The following ACBD5 variants were observed in gnomAD, a reference collection of about 807,000 sequenced individuals.
ACBD5 encodes the protein acyl-CoA-binding domain-containing protein 5.
ACBD5 carries 40 observed loss-of-function variants against 71.8 expected under a neutral mutation model. That is an observed-to-expected ratio of 0.56 (90% CI 0.43 to 0.72). The LOEUF is 0.72. Ranked by LOEUF, ACBD5 falls within the 30% of genes least tolerant of loss-of-function variation. The pLI is 0.00. For missense variants in ACBD5, 559 were observed against 644.5 expected (o/e 0.87, Z 1.44); for synonymous variants, 229 against 218.6 (o/e 1.05, Z -0.42).
At chr10:27,232,641 T>C (rs1202023012) in intron 3 of ACBD5, among the ~76,000 whole-genome samples, 1 of 152,118 alleles carries the variant, frequency 6.6e-6, no homozygotes, top group Non-Finnish European at 1.5e-5. Flanking sequence ...ATGTTTTAAA[T>C]GAACAGACAT....
chr10:27,202,857 C>T (rs1255113287), intron 12 of ACBD5, among the ~76,000 whole-genome samples: 1 of 151,468 alleles, frequency 6.6e-6, no homozygotes, highest in Non-Finnish European at 1.5e-5. Flanking sequence ...TTTCCTATTA[C>T]CAGGGATATT....
chr10:27,233,382 C>T (rs2064164164), intron 3 of ACBD5, among the ~76,000 whole-genome samples: 1 of 149,586 alleles, frequency 6.7e-6, no homozygotes, highest in Non-Finnish European at 1.5e-5. Flanking sequence ...GCCAAGATCG[C>T]GCCACTGCAC....
At chr10:27,198,371 A>T (rs1223805958) in intron 12 of ACBD5, among the ~76,000 whole-genome samples, 2 of 152,200 alleles carry the variant, frequency 1.3e-5, no homozygotes, top group East Asian at 1.9e-4. Context: ...ATCACATATG[A>T]TCTGAGTTCT....
Position 27,195,492 on chromosome 10 carries a change from C to T in ACBD5, c.*1938G>A. ...GTAATGATTCACAACTGCTTACACT[C>T]TTAATTTGCATTTTATTTATTTATA... On this transcript the variant is annotated 3_prime_UTR_variant, in exon 13 of 13. Coordinates refer to ENST00000396271, the MANE Select transcript of ACBD5 (RefSeq NM_145698.5). 1 of 454,040 alleles carries T rather than the reference C, an allele frequency of 2.2e-6. No homozygotes were observed. The highest frequency in any genetic ancestry group is 4.4e-6 in the Non-Finnish European group (1 of 226,716). The allele number at this position is 454,040 out of a possible 1,614,324, so 28.1% of individuals were successfully genotyped here. A position where few individuals can be genotyped will look rare whatever the true frequency, so the allele number is the denominator to read the frequency against.
intron 4 of ACBD5, among the ~76,000 whole-genome samples, chr10:27,228,789 GTT>G (rs1491145230): frequency 3.1e-4 from 10 of 31,788 alleles, no homozygotes; most frequent in South Asian, 1.0e-3. Flanking sequence ...ATCCTATTAT[GTT>G]TATATATATA....
chr10:27,240,327 G>C lies in ACBD5; in HGVS notation c.173C>G (p.Pro58Arg). ...EAAVKVIQSL[P>R]KNGSFQPTNE... ...GGGCCCAGCGCACGTACCATTCTTC[G>C]GCAAACTCTGGATCACCTTCACGGC... The change falls in exon 2 of 13, where the codon CCG (proline) becomes CGG (arginine). Residue 58 changes from proline to arginine, a missense_variant. Transcript: ENST00000396271. This position sits in a 1 kb window ranked among gnomAD's most constrained non-coding sequence, Gnocchi z 4.1. 6.2e-7 allele frequency: 1 copy of C among 1,614,000 alleles called. No individual in the cohort carries two copies. Among genetic ancestry groups the C allele is most frequent in the Non-Finnish European group, 8.5e-7 (1 of 1,180,010 alleles).
At chr10:27,232,819 C>G (rs2064073958) in intron 3 of ACBD5, among the ~76,000 whole-genome samples, 1 of 152,104 alleles carries the variant, frequency 6.6e-6, no homozygotes, top group Admixed American at 6.6e-5. Flanking sequence ...ATGTAAACCT[C>G]CATTTTTATA....
intron 13 of ACBD5, chr10:27,186,325 C>T: frequency 6.8e-7 from 1 of 1,480,082 alleles, no homozygotes; most frequent in South Asian, 1.1e-5. Flanking sequence ...TCCTGTAAAG[C>T]AGTACTTACT....
intron 6 of ACBD5, among the ~76,000 whole-genome samples, chr10:27,218,639 G>A (rs1478179633): frequency 2.0e-5 from 3 of 151,208 alleles, no homozygotes; most frequent in African/African-American, 4.9e-5. Context: ...AGGCTAGAGT[G>A]CAATGGCATG....
rs1226980064 is a variant in ACBD5 at position 27,196,816 on chromosome 10, A to G, written c.*614T>C. ...CATTTGTAAAAACTCAGTCTGGTAC[A>G]TAGGACTCCACTTTTTAATAATGAT... On this transcript the variant is annotated 3_prime_UTR_variant, in exon 13 of 13. Coordinates refer to ENST00000396271, the MANE Select transcript of ACBD5 (RefSeq NM_145698.5). 2 of 454,028 alleles carry G rather than the reference A, an allele frequency of 4.4e-6. No individual in the cohort carries two copies. The highest frequency in any genetic ancestry group is 4.0e-5 in the African/African-American group (2 of 49,998). The allele number at this position is 454,028 out of a possible 1,614,324, so 28.1% of individuals were successfully genotyped here.
At position 27,208,305 on chromosome 10, in the gene ACBD5, C is replaced by G; in HGVS notation, c.1345G>C (p.Glu449Gln). 1 of 1,614,176 alleles carries G rather than the reference C, an allele frequency of 6.2e-7. No homozygotes were observed. The highest frequency in any genetic ancestry group is 8.5e-7 in the Non-Finnish European group (1 of 1,180,018). The change falls in exon 10 of 13, where the codon GAG becomes CAG. Residue 449 changes from glutamate (E) to glutamine (Q), a missense_variant. Glu to Gln is a conservative substitution (Grantham distance 29). Transcript: ENST00000396271. ...CTCTGAAGGACATTCTGCATGTCCT[C>G]CTGCAGTCTCATCAGCACGAGGGCG... ...QIALVLMRLQEDMQNVLQRLQ... is the reference protein window; with the variant it reads ...QIALVLMRLQQDMQNVLQRLQ...
chr10:27,185,769 GGA>G (rs1211581465), intron 13 of ACBD5, among the ~76,000 whole-genome samples: 2 of 144,716 alleles, frequency 1.4e-5, no homozygotes, highest in African/African-American at 5.2e-5. Flanking sequence ...ATTGGGCACT[GGA>G]GAGAGACTCC....
chr10:27,187,768 C>G (rs1283548594), intron 13 of ACBD5, among the ~76,000 whole-genome samples: 1 of 147,268 alleles, frequency 6.8e-6, no homozygotes, highest in South Asian at 2.2e-4. Flanking sequence ...AAAAAAAATA[C>G]TACTGGAACA....
At position 27,197,409 on chromosome 10, in the gene ACBD5, T is replaced by C. The variant is rs2059465879; in HGVS notation, c.*21A>G. The C allele has an allele frequency of 1.9e-6, 3 of 1,610,278 alleles. No homozygotes were observed. Among genetic ancestry groups the C allele is most frequent in the South Asian group, 1.1e-5 (1 of 90,594 alleles). Reference sequence around the variant, plus strand: ...AGGTCATCCAGTTCCAGTAGTCTTCTTGAGGAAAACACCATTTTCCTCAGT... The same window carrying C: ...AGGTCATCCAGTTCCAGTAGTCTTCCTGAGGAAAACACCATTTTCCTCAGT... On this transcript the variant is annotated 3_prime_UTR_variant, in exon 13 of 13. Coordinates refer to ENST00000396271, the MANE Select transcript of ACBD5 (RefSeq NM_145698.5).
rs114610876 is a variant in ACBD5 at position 27,224,365 on chromosome 10, C to G, written c.376-913G>C. ...CTGCACTCCAGCCTAGGCAACAGAG[C>G]GAGATCTTGTCTCCAAAAAAATAAA... is the stretch of plus-strand genomic sequence containing the variant. On this transcript the variant is annotated intron_variant, in intron 4 of 12. Transcript: ENST00000396271. Among the ~76,000 whole-genome samples, 353 of 152,040 alleles carry G rather than the reference C, an allele frequency of 2.3e-3. 1 individual carries two copies. The highest frequency in any genetic ancestry group is 8.1e-3 in the African/African-American group (335 of 41,472).
At chr10:27,236,637 C>G (rs1332123596) in intron 2 of ACBD5, among the ~76,000 whole-genome samples, 1 of 152,054 alleles carries the variant, frequency 6.6e-6, no homozygotes, top group Non-Finnish European at 1.5e-5. Context: ...ACCTGTAATC[C>G]TAGCACTTTG....
In ACBD5 at chr10:27,210,975, G is replaced by C; in HGVS notation, c.1043C>G (p.Pro348Arg). The C allele has an allele frequency of 6.2e-7, 1 of 1,614,078 alleles. No homozygotes were observed. Among genetic ancestry groups the C allele is most frequent in the Non-Finnish European group, 8.5e-7 (1 of 1,180,036 alleles). Reference protein sequence around the residue: ...NSGFREDIQVPPGNGNIGNMQ... With the variant: ...NSGFREDIQVRPGNGNIGNMQ... ...ATTCCCAATGTTGCCATTTCCAGGA[G>C]GTACTTGAATATCTTCACGAAATCC... The change falls in exon 9 of 13, where the codon CCT becomes CGT. Residue 348 changes from proline to arginine, a missense_variant. Transcript: ENST00000396271.
rs763946485 is a variant in ACBD5 at position 27,204,502 on chromosome 10, A to AACG, written c.1502_1503insCGT (p.Phe501_Ala502insVal). The AACG allele has an allele frequency of 6.2e-7, 1 of 1,614,170 alleles. No homozygotes were observed. Among genetic ancestry groups the AACG allele is most frequent in the Admixed American group, 1.7e-5 (1 of 60,022 alleles). On this transcript the variant is annotated inframe_insertion, in exon 12 of 13. Coordinates refer to ENST00000396271, the MANE Select transcript of ACBD5 (RefSeq NM_145698.5). Reference sequence around the variant, plus strand: ...GTGCAATAAAAGGCCATATGATGGCAAACGTTAGCACACCAGGAGACATCT... The same window carrying AACG: ...GTGCAATAAAAGGCCATATGATGGCAACGAACGTTAGCACACCAGGAGACATCT...
chr10:27,186,534 T>C (rs1193991676), intron 13 of ACBD5: 3 of 1,613,936 alleles, frequency 1.9e-6, no homozygotes, highest in Admixed American at 1.7e-5. Flanking sequence ...ATTTAGTCTG[T>C]AGCACAAAAA....
Sources: allele counts gnomAD v4.1 joint callset (sites outside exome capture counted in the v4.1 genomes callset), GRCh38; gene constraint gnomAD v4.1.1; non-coding constraint Gnocchi (gnomAD v3.1); transcripts MANE v1.5; gene names NCBI Gene and HGNC (gene_info 2026-07-23, HGNC 2026-07-21).